The following CIT variants were observed in gnomAD, a reference collection of about 807,000 sequenced individuals.
CIT encodes citron rho-interacting serine/threonine kinase.
CIT carries 79 observed loss-of-function variants against 272.7 expected under a neutral mutation model. The observed-to-expected ratio is 0.29, with a 90% confidence interval of 0.24 to 0.35. The LOEUF (loss-of-function observed/expected upper bound fraction) is 0.35. Ranked by LOEUF, CIT falls within the 10% of genes least tolerant of loss-of-function variation. The probability of loss-of-function intolerance (pLI) is 1.00; values close to 1 mark genes in which losing one functional copy is unlikely to be tolerated. For missense variants in CIT, 1,909 were observed against 2,618.3 expected (o/e 0.73, Z 5.91); for synonymous variants, 948 against 995.6 (o/e 0.95, Z 0.90).
At chr12:119,791,744 A>G (rs1279202586) in intron 10 of CIT, among the ~76,000 whole-genome samples, 1 of 152,070 alleles carries the variant, frequency 6.6e-6, no homozygotes, top group East Asian at 1.9e-4. Context: ...TCCAGCTTCT[A>G]TTTTCTAGAA....
In CIT at chr12:119,712,105, C is replaced by T. The variant is rs527308779; in HGVS notation, c.4854+73G>A. ...GGGAATCAAAATGGCCAATGGGATT[C>T]TCGTCGTTAACACCAGTTACCAAGT... On this transcript the variant is annotated intron_variant, in intron 37 of 47. Transcript: ENST00000392521. This position sits in a 1 kb window ranked among gnomAD's most constrained non-coding sequence, Gnocchi z 5.2. 24 of 1,431,076 alleles carry T rather than the reference C, an allele frequency of 1.7e-5. No homozygotes were observed. The East Asian group carries it at 5.6e-4, about 33-fold the overall frequency. 88.6% of individuals were successfully genotyped at this position (1,431,076 alleles called of 1,614,324 possible).
At position 119,846,294 on chromosome 12, in the gene CIT, C is replaced by T. The variant is rs539062811; in HGVS notation, c.516+3880G>A. 4.6e-5 allele frequency among the ~76,000 whole-genome samples: 7 copies of T among 152,272 alleles called. No homozygotes were observed. The South Asian group carries it at 1.4e-3, about 32-fold the overall frequency. ...CAACTGAGTTCCTTCACACAGAACACTCAAAATCTGTCAGTGCCTCTACCA... is the reference window on the plus strand; with the variant it reads ...CAACTGAGTTCCTTCACACAGAACATTCAAAATCTGTCAGTGCCTCTACCA... On this transcript the variant is annotated intron_variant, in intron 5 of 47. Coordinates refer to ENST00000392521, the MANE Select transcript of CIT (RefSeq NM_001206999.2).
intron 7 of CIT, among the ~76,000 whole-genome samples, chr12:119,831,940 T>TG (rs1375993501): frequency 1.3e-5 from 2 of 152,168 alleles, no homozygotes; most frequent in African/African-American, 4.8e-5. Flanking sequence ...CTCTCAGACT[T>TG]GGGGGGCATT....
chr12:119,790,748 G>A (rs1965239435), intron 10 of CIT, among the ~76,000 whole-genome samples: 1 of 152,104 alleles, frequency 6.6e-6, no homozygotes, highest in African/African-American at 2.4e-5. Context: ...AGTGGGTAGA[G>A]GCCAAAGATG....
chr12:119,810,466 G>C (rs1966829792), intron 9 of CIT, among the ~76,000 whole-genome samples: 1 of 152,062 alleles, frequency 6.6e-6, no homozygotes, highest in African/African-American at 2.4e-5. Flanking sequence ...TTGGGAAGCA[G>C]AGACAGGCAG....
intron 3 of CIT, among the ~76,000 whole-genome samples, chr12:119,862,808 TAAAA>T (rs1157467178): frequency 0.056 from 567 of 10,052 alleles, no homozygotes; most frequent in East Asian, 0.12. Context: ...AGACTCTACC[TAAAA>T]AAAAAAAAAA....
chr12:119,741,361 G>C (rs1959049936), intron 24 of CIT, among the ~76,000 whole-genome samples: 2 of 152,188 alleles, frequency 1.3e-5, no homozygotes, highest in Non-Finnish European at 2.9e-5. Context: ...GATGGGAAGG[G>C]GACATGAGGG....
intron 9 of CIT, among the ~76,000 whole-genome samples, chr12:119,808,866 A>G (rs2137926790): frequency 6.6e-6 from 1 of 152,346 alleles, no homozygotes; most frequent in South Asian, 2.1e-4. Flanking sequence ...TAGAGCGCTA[A>G]TGTGATCATA....
chr12:119,857,002 C>G (rs1950191589), intron 4 of CIT, among the ~76,000 whole-genome samples: 1 of 152,176 alleles, frequency 6.6e-6, no homozygotes, highest in Non-Finnish European at 1.5e-5. Context: ...TGTCTAGAGA[C>G]AGTAGCCTTG....
intron 24 of CIT, among the ~76,000 whole-genome samples, chr12:119,739,058 A>G (rs1162437966): frequency 2.0e-5 from 3 of 152,178 alleles, no homozygotes; most frequent in Non-Finnish European, 2.9e-5. Flanking sequence ...GTCCAATGGC[A>G]TGTTAGGGGT....
At chr12:119,772,701 C>A in intron 17 of CIT, 69 bp downstream of exon 17, 2 of 1,468,020 alleles carry the variant, frequency 1.4e-6, no homozygotes, top group South Asian at 1.4e-5. Context: ...GATGGTCTGG[C>A]AGTTTCTTTC....
chr12:119,788,061 G>T (rs1288038308), intron 10 of CIT, among the ~76,000 whole-genome samples: 1 of 152,200 alleles, frequency 6.6e-6, no homozygotes, highest in African/African-American at 2.4e-5. Flanking sequence ...AACTCAGGGG[G>T]CTGAATTTGC....
At chr12:119,761,517 C>T (rs1961790571) in intron 19 of CIT, among the ~76,000 whole-genome samples, 2 of 152,290 alleles carry the variant, frequency 1.3e-5, no homozygotes, top group African/African-American at 4.8e-5. Context: ...ATTCTAGATA[C>T]TCCTGGGCTG....
intron 23 of CIT, among the ~76,000 whole-genome samples, chr12:119,747,775 A>G (rs921910669): frequency 1.3e-5 from 2 of 152,214 alleles, no homozygotes; most frequent in African/African-American, 2.4e-5. Context: ...TTTATTTTTT[A>G]TTTCTTTTAA....
chr12:119,832,725 A>G, intron 7 of CIT, 46 bp downstream of exon 7: 1 of 1,483,956 alleles, frequency 6.7e-7, no homozygotes, highest in Non-Finnish European at 9.4e-7. Context: ...GACCAAGAAT[A>G]CTTTTTAGTA....
chr12:119,857,777 G>C, intron 3 of CIT, 79 bp from the exon 4 acceptor site: 1 of 1,190,380 alleles, frequency 8.4e-7, no homozygotes, highest in Non-Finnish European at 1.2e-6. Flanking sequence ...AAAAAAAAAA[G>C]AAAATAGCAT....
At chr12:119,827,647 C>A (rs2138081140) in intron 7 of CIT, among the ~76,000 whole-genome samples, 1 of 152,154 alleles carries the variant, frequency 6.6e-6, no homozygotes, top group East Asian at 1.9e-4. Context: ...TATGTTTGGC[C>A]AGGATGGTCT....
chr12:119,802,037 C>T (rs1320182508), intron 10 of CIT, among the ~76,000 whole-genome samples: 2 of 152,196 alleles, frequency 1.3e-5, no homozygotes, highest in Admixed American at 6.5e-5. Flanking sequence ...ACGTTACTGT[C>T]AAAATAGCAC....
chr12:119,742,373 C>T (rs1385461810), intron 24 of CIT, 38 bp downstream of exon 24: 7 of 1,498,102 alleles, frequency 4.7e-6, no homozygotes, highest in Non-Finnish European at 6.4e-6. Flanking sequence ...GTTTTAGTTT[C>T]ATGTTATTTT....
Sources: gnomAD v4.1 joint callset for allele counts (sites outside exome capture counted in the v4.1 genomes callset) on GRCh38, gnomAD v4.1.1 for gene constraint, Gnocchi (gnomAD v3.1) non-coding constraint, MANE v1.5 for transcripts, NCBI Gene and HGNC (gene_info 2026-07-23, HGNC 2026-07-21) for gene names.